The following RAC1 variants were observed in gnomAD, a reference collection of about 807,000 sequenced individuals.
RAC1 encodes the protein ras-related C3 botulinum toxin substrate 1.
RAC1 carries 2 observed loss-of-function variants against 25.2 expected under a neutral mutation model. The ratio of observed to expected loss-of-function variants is 0.08; its 90% CI spans 0.03 to 0.25. RAC1 has a LOEUF of 0.25. Ranked by LOEUF, RAC1 falls within the 10% of genes least tolerant of loss-of-function variation. The probability of loss-of-function intolerance (pLI) is 1.00; values close to 1 mark genes in which losing one functional copy is unlikely to be tolerated. For synonymous variants in RAC1, 88 were observed against 94.0 expected (o/e 0.94, Z 0.37); for missense variants, 50 against 235.7 (o/e 0.21, Z 5.16).
intron 1 of RAC1, among the ~76,000 whole-genome samples, chr7:6,378,630 T>C (rs978959767): frequency 6.6e-6 from 1 of 152,176 alleles, no homozygotes; most frequent in Admixed American, 6.6e-5. Flanking sequence ...TTAATTGAGA[T>C]TGGCCAAGAA....
intron 1 of RAC1, among the ~76,000 whole-genome samples, chr7:6,375,456 G>A (rs1287216778): frequency 6.6e-6 from 1 of 151,996 alleles, no homozygotes; most frequent in Non-Finnish European, 1.5e-5. Flanking sequence ...GAATTCCTGC[G>A]CTCAAGTGAT....
chr7:6,396,959 A>G (rs1783253378), intron 3 of RAC1, among the ~76,000 whole-genome samples: 1 of 148,398 alleles, frequency 6.7e-6, no homozygotes, highest in South Asian at 2.2e-4. Context: ...TGAACCTGGG[A>G]GGCGGAGCTT....
At chr7:6,379,085 C>T (rs552957163) in intron 1 of RAC1, among the ~76,000 whole-genome samples, 5 of 151,820 alleles carry the variant, frequency 3.3e-5, no homozygotes, top group Non-Finnish European at 4.4e-5. Flanking sequence ...AGTGAGACTC[C>T]GTCTCAAAAA....
chr7:6,391,773 G>A (rs836480), intron 2 of RAC1, 151 bp from the exon 3 acceptor site: 20 of 1,265,538 alleles, frequency 1.6e-5, no homozygotes, highest in Admixed American at 1.1e-4. Flanking sequence ...TGCCCGTGCC[G>A]CCTTCCTCCT....
intron 3 of RAC1, 70 bp from the exon 4 acceptor site, chr7:6,400,056 G>A: frequency 2.1e-6 from 3 of 1,395,446 alleles, no homozygotes; most frequent in Non-Finnish European, 3.1e-6. Context: ...CCAGCAACAT[G>A]TAGAAAGCAA....
rs1230668599 is a variant in RAC1, at chr7:6,403,225, G to A, written c.*779G>A. On this transcript the variant is annotated 3_prime_UTR_variant, in exon 6 of 6. Transcript: ENST00000348035. The stretch of plus-strand genomic sequence containing the variant: ...ATTGTACAAGGAATGAAAGTGTCAC[G>A]GGTAAAAACTCTAAAAGGTTAATTT... 7 of 219,988 alleles carry A rather than the reference G, an allele frequency of 3.2e-5. No individual in the cohort carries two copies. Among genetic ancestry groups the A allele is most frequent in the African/African-American group, 1.3e-4 (6 of 44,598 alleles). 13.6% of individuals were successfully genotyped at this position (219,988 alleles called of 1,614,324 possible).
chr7:6,385,615 G>C (rs576119340), intron 1 of RAC1, among the ~76,000 whole-genome samples: 6 of 152,176 alleles, frequency 3.9e-5, no homozygotes, highest in Non-Finnish European at 7.3e-5. Context: ...TGTAATGTTT[G>C]ACTCTCTAAA....
chr7:6,377,054 A>G (rs928147980), intron 1 of RAC1, among the ~76,000 whole-genome samples: 1 of 151,938 alleles, frequency 6.6e-6, no homozygotes, highest in Non-Finnish European at 1.5e-5. Flanking sequence ...CAACAAGACT[A>G]AACAAGATGT....
At chr7:6,401,197 C>G (rs941410156) in intron 4 of RAC1, among the ~76,000 whole-genome samples, 2 of 152,168 alleles carry the variant, frequency 1.3e-5, no homozygotes, top group African/African-American at 4.8e-5. Flanking sequence ...CTCAAGTGAT[C>G]CACCCGCCGC....
At chr7:6,401,748 C>G in intron 4 of RAC1, 120 bp from the exon 5 acceptor site, 1 of 1,029,336 alleles carries the variant, frequency 9.7e-7, no homozygotes, top group Non-Finnish European at 1.4e-6. Context: ...CTGAAGCCTC[C>G]GTGGGGAGGC....
chr7:6,380,946 G>A (rs914601119), intron 1 of RAC1, among the ~76,000 whole-genome samples: 9 of 152,138 alleles, frequency 5.9e-5, no homozygotes, highest in African/African-American at 1.9e-4. Flanking sequence ...TCTGCTCACT[G>A]CAATCTCCGC....
chr7:6,378,146 C>T (rs1583256481), intron 1 of RAC1, among the ~76,000 whole-genome samples: 1 of 151,926 alleles, frequency 6.6e-6, no homozygotes, highest in African/African-American at 2.4e-5. Context: ...ACTCTGCATA[C>T]AGGGCTGTGT....
At chr7:6,387,432 A>G (rs1782954823) in intron 2 of RAC1, 149 bp downstream of exon 2, 2 of 617,916 alleles carry the variant, frequency 3.2e-6, no homozygotes, top group South Asian at 2.1e-5. Flanking sequence ...ATTATAAGGT[A>G]TATTAGGCTT....
chr7:6,389,224 A>G (rs1367950818), intron 2 of RAC1, among the ~76,000 whole-genome samples: 1 of 151,704 alleles, frequency 6.6e-6, no homozygotes, highest in Admixed American at 6.6e-5. Flanking sequence ...AAAAATTAAA[A>G]AATTATTTTT....
At chr7:6,390,568 C>T (rs559870872) in intron 2 of RAC1, among the ~76,000 whole-genome samples, 1 of 151,602 alleles carries the variant, frequency 6.6e-6, no homozygotes, top group African/African-American at 2.4e-5. Flanking sequence ...CCACTGCACT[C>T]CAGCCTGGGT....
chr7:6,403,725 T>C lies in RAC1; in HGVS notation c.*1279T>C, dbSNP rs1292711862. On this transcript the variant is annotated 3_prime_UTR_variant, in exon 6 of 6. Transcript: ENST00000348035. Reference sequence around the variant, plus strand: ...CTCGCCCACGCGGACACACGCCTCCTGTAGTCGCTTTGCCTATTGATGTTC... The same window carrying C: ...CTCGCCCACGCGGACACACGCCTCCCGTAGTCGCTTTGCCTATTGATGTTC... 3 of 209,660 alleles carry C rather than the reference T, an allele frequency of 1.4e-5. No homozygotes were observed. Among genetic ancestry groups the C allele is most frequent in the African/African-American group, 6.8e-5 (3 of 43,994 alleles). 13.0% of individuals were successfully genotyped at this position (209,660 alleles called of 1,614,324 possible). A position where few individuals can be genotyped will look rare whatever the true frequency, so the allele number is the denominator to read the frequency against.
chr7:6,403,127 G>A lies in RAC1; in HGVS notation c.*681G>A. 1 of 214,106 alleles carries A rather than the reference G, an allele frequency of 4.7e-6. No individual in the cohort carries two copies. Among genetic ancestry groups the A allele is most frequent in the Non-Finnish European group, 9.5e-6 (1 of 105,736 alleles). 13.3% of individuals were successfully genotyped at this position (214,106 alleles called of 1,614,324 possible). The stretch of plus-strand genomic sequence containing the variant: ...AAGAATTCTGTTTAGCTGTGGGTGT[G>A]CCGGGTGGGGTGTGTGTGATCAAAG... On this transcript the variant is annotated 3_prime_UTR_variant, in exon 6 of 6. Coordinates refer to ENST00000348035, the MANE Select transcript of RAC1 (RefSeq NM_006908.5).
rs548651205 is a variant in RAC1, at chr7:6,398,002, C to T, written c.226-2124C>T. ...AGACTCCGTCTCAAAAACGCTTGTC[C>T]TTAAGGGGTGGCTTCCCCCAGACCT... On this transcript the variant is annotated intron_variant, in intron 3 of 5. Coordinates refer to ENST00000348035, the MANE Select transcript of RAC1 (RefSeq NM_006908.5). Among the ~76,000 whole-genome samples, 10 of 152,218 alleles carry T rather than the reference C, an allele frequency of 6.6e-5. No individual in the cohort carries two copies. The South Asian group carries it at 2.1e-3, about 32-fold the overall frequency.
At chr7:6,379,267 AAT>A (rs1491448174) in intron 1 of RAC1, among the ~76,000 whole-genome samples, 1 of 99,830 alleles carries the variant, frequency 1.0e-5, no homozygotes, top group African/African-American at 3.6e-5. Context: ...ATGCCGAGGT[AAT>A]TTTTTTTTTT....
Sources: allele counts gnomAD v4.1 joint callset (sites outside exome capture counted in the v4.1 genomes callset), GRCh38; gene constraint gnomAD v4.1.1; transcripts MANE v1.5; gene names NCBI Gene and HGNC (gene_info 2026-07-23, HGNC 2026-07-21).